The following DPH6 variants were observed in gnomAD, a reference collection of about 807,000 sequenced individuals.
DPH6 encodes the protein diphthine--ammonia ligase.
DPH6 carries 33 observed loss-of-function variants against 38.2 expected under a neutral mutation model. That is an observed-to-expected ratio of 0.86 (90% CI 0.65 to 1.15). The LOEUF (loss-of-function observed/expected upper bound fraction) is 1.15. Among genes scored for constraint, DPH6 ranks in the 50% most tolerant of loss-of-function variants. DPH6 has a pLI of 0.00. For synonymous variants in DPH6, 108 were observed against 103.0 expected, an observed-to-expected ratio of 1.05 and a Z score of -0.30; for missense variants, 325 against 320.0, an observed-to-expected ratio of 1.02 and a Z score of -0.12.
At chr15:35,150,882 G>GT in the DPH6 span, among the ~76,000 whole-genome samples, 51 of 152,108 alleles carry the variant, frequency 3.4e-4, no homozygotes, top group African/African-American at 1.2e-3. Flanking sequence ...AAAACAAAGG[G>GT]TTTTTTTCTG....
At chr15:35,460,274 C>T (rs956759756) in intron 3 of DPH6, among the ~76,000 whole-genome samples, 71 of 152,222 alleles carry the variant, frequency 4.7e-4, no homozygotes, top group African/African-American at 1.5e-3. Context: ...ATATTTATTA[C>T]TAAATTTAAT....
At chr15:35,466,886 T>TA (rs1196255777) in intron 3 of DPH6, among the ~76,000 whole-genome samples, 1 of 152,154 alleles carries the variant, frequency 6.6e-6, no homozygotes, top group Admixed American at 6.6e-5. Context: ...AAGATACAAA[T>TA]GATACACCTT....
intron 3 of DPH6, among the ~76,000 whole-genome samples, chr15:35,353,154 A>G (rs1417926958): frequency 6.6e-6 from 1 of 150,392 alleles, no homozygotes. Context: ...AATTTGTTTG[A>G]GTTCACTGTA....
intron 3 of DPH6, among the ~76,000 whole-genome samples, chr15:35,247,542 G>A (rs117978780): frequency 0.028 from 4,279 of 152,244 alleles, 87 homozygotes; most frequent in Middle Eastern, 0.044. Context: ...CTTACTGAAA[G>A]TGAATGTCTT....
chr15:35,270,321 ATAT>A (rs1310801129), intron 3 of DPH6, among the ~76,000 whole-genome samples: 1 of 152,218 alleles, frequency 6.6e-6, no homozygotes, highest in East Asian at 1.9e-4. Context: ...CAGAGAAACA[ATAT>A]TATGAATGGA....
At chr15:35,323,681 CT>C (rs1459896098) in intron 3 of DPH6, among the ~76,000 whole-genome samples, 1 of 152,126 alleles carries the variant, frequency 6.6e-6, no homozygotes, top group African/African-American at 2.4e-5. Context: ...GATTAATGTT[CT>C]AAAGTTATTC....
chr15:35,437,741 C>A (rs962911520), intron 5 of DPH6, among the ~76,000 whole-genome samples: 1 of 152,176 alleles, frequency 6.6e-6, no homozygotes, highest in Non-Finnish European at 1.5e-5. Context: ...TCAACCCAGG[C>A]CAGCAAACCA....
intron 5 of DPH6, among the ~76,000 whole-genome samples, chr15:35,436,247 A>T (rs550387063): frequency 2.0e-4 from 31 of 151,886 alleles, no homozygotes; most frequent in African/African-American, 7.3e-4. Context: ...CAGGCGGATC[A>T]CGAGGTCAGG....
the DPH6 span, among the ~76,000 whole-genome samples, chr15:35,211,845 A>G: frequency 1.3e-5 from 2 of 152,228 alleles, no homozygotes; most frequent in African/African-American, 4.8e-5. Context: ...GGAGTAGCCC[A>G]GCATCCAAAA....
intron 5 of DPH6, among the ~76,000 whole-genome samples, chr15:35,426,487 G>A (rs74920485): frequency 0.039 from 5,897 of 151,756 alleles, 383 homozygotes; most frequent in African/African-American, 0.14. Flanking sequence ...AGAACACGAT[G>A]TGTAGAAGCA....
intron 3 of DPH6, among the ~76,000 whole-genome samples, chr15:35,498,412 A>G (rs2054584139): frequency 6.6e-6 from 1 of 152,150 alleles, no homozygotes. Context: ...ACAGAAAAAT[A>G]AAGAATTCTC....
At chr15:35,289,913 T>C (rs1023010046) in intron 3 of DPH6, among the ~76,000 whole-genome samples, 1 of 152,220 alleles carries the variant, frequency 6.6e-6, no homozygotes, top group Non-Finnish European at 1.5e-5. Flanking sequence ...AATAATTTAC[T>C]TTTGGGAGTT....
chr15:35,236,003 A>G (rs1001020334), intron 3 of DPH6, among the ~76,000 whole-genome samples: 2 of 152,230 alleles, frequency 1.3e-5, no homozygotes, highest in African/African-American at 4.8e-5. Context: ...TTAATGTGTG[A>G]TAAGATGGAA....
At chr15:35,295,719 A>G (rs2052010055) in intron 3 of DPH6, among the ~76,000 whole-genome samples, 1 of 152,192 alleles carries the variant, frequency 6.6e-6, no homozygotes, top group Non-Finnish European at 1.5e-5. Flanking sequence ...AGTCTGATCC[A>G]TTAGTAATCA....
At chr15:35,430,561 C>A (rs564347138) in intron 5 of DPH6, among the ~76,000 whole-genome samples, 86 of 151,540 alleles carry the variant, frequency 5.7e-4, no homozygotes, top group African/African-American at 2.0e-3. Flanking sequence ...TGAAATAAAA[C>A]CAGTGATTTT....
intron 3 of DPH6, among the ~76,000 whole-genome samples, chr15:35,232,539 C>A (rs767315761): frequency 1.1e-4 from 17 of 152,070 alleles, no homozygotes; most frequent in Non-Finnish European, 1.8e-4. Context: ...TGAGACCGCA[C>A]CACTGCACTC....
At chr15:35,148,991 T>C in the DPH6 span, among the ~76,000 whole-genome samples, 383 of 152,260 alleles carry the variant, frequency 2.5e-3, 3 homozygotes, top group South Asian at 0.016. Flanking sequence ...ACCTGTGCTG[T>C]GGATCTTAAC....
At chr15:35,353,755 T>C (rs542974865) in intron 3 of DPH6, among the ~76,000 whole-genome samples, 39 of 152,224 alleles carry the variant, frequency 2.6e-4, no homozygotes, top group African/African-American at 9.4e-4. Flanking sequence ...ATTGACTTGG[T>C]GATGCAGGCT....
intron 3 of DPH6, among the ~76,000 whole-genome samples, chr15:35,474,067 A>G (rs989928128): frequency 1.3e-5 from 2 of 152,072 alleles, no homozygotes; most frequent in African/African-American, 4.8e-5. Flanking sequence ...TAGGATAGGA[A>G]GAGGATATAC....
Sources: gnomAD v4.1 joint callset for allele counts (sites outside exome capture counted in the v4.1 genomes callset) on GRCh38, gnomAD v4.1.1 for gene constraint, MANE v1.5 for transcripts, NCBI Gene and HGNC (gene_info 2026-07-23, HGNC 2026-07-21) for gene names.